Variants in GRM8 observed in about 807,000 individuals in gnomAD.
GRM8 encodes the protein metabotropic glutamate receptor 8.
Under a neutral mutation model 87.2 loss-of-function variants are expected in GRM8, and 47 were observed. The ratio of observed to expected loss-of-function variants is 0.54; its 90% CI spans 0.43 to 0.69. GRM8 has a LOEUF of 0.69. Ranked by LOEUF, GRM8 falls within the 30% of genes least tolerant of loss-of-function variation. The probability of loss-of-function intolerance (pLI) is 0.00; values close to 1 mark genes in which losing one functional copy is unlikely to be tolerated. For synonymous variants in GRM8, 396 were observed against 404.5 expected (o/e 0.98, Z 0.25); for missense variants, 1,019 against 1,139.2 (o/e 0.89, Z 1.52).
At chr7:126,984,836 C>T (rs1392059231) in intron 3 of GRM8, among the ~76,000 whole-genome samples, 2 of 151,594 alleles carry the variant, frequency 1.3e-5, no homozygotes, top group Non-Finnish European at 3.0e-5. Flanking sequence ...TTGAATAATT[C>T]TGTTATTTTT....
intron 6 of GRM8, among the ~76,000 whole-genome samples, chr7:126,877,756 A>G (rs545079063): frequency 1.1e-3 from 170 of 152,286 alleles, no homozygotes; most frequent in African/African-American, 4.0e-3. Context: ...AAAGTTGTTT[A>G]TACTACTGCT....
chr7:127,049,228 T>C (rs1265048402), intron 3 of GRM8, among the ~76,000 whole-genome samples: 5 of 151,520 alleles, frequency 3.3e-5, no homozygotes, highest in Admixed American at 3.3e-4. Context: ...AACATACACA[T>C]ACACACACAC....
intron 7 of GRM8, among the ~76,000 whole-genome samples, chr7:126,652,502 C>T (rs980821639): frequency 6.6e-6 from 1 of 152,148 alleles, no homozygotes; most frequent in Non-Finnish European, 1.5e-5. Flanking sequence ...CTACCTTCAT[C>T]TGGGTGACAA....
intron 3 of GRM8, among the ~76,000 whole-genome samples, chr7:126,974,835 C>G (rs1216104351): frequency 6.8e-6 from 1 of 146,568 alleles, no homozygotes; most frequent in Non-Finnish European, 1.5e-5. Flanking sequence ...TCTCAGGAGG[C>G]TGAGGCAGGA....
At chr7:126,605,306 A>G (rs1441170379) in intron 8 of GRM8, among the ~76,000 whole-genome samples, 1 of 152,214 alleles carries the variant, frequency 6.6e-6, no homozygotes, top group Admixed American at 6.5e-5. Context: ...TCTCAGGTAG[A>G]CAATACATGC....
At chr7:126,823,623 C>T (rs1249648430) in intron 6 of GRM8, among the ~76,000 whole-genome samples, 8 of 152,158 alleles carry the variant, frequency 5.3e-5, no homozygotes. Context: ...TTAGCCAATA[C>T]ATCCAAAATA....
At chr7:126,441,883 T>G (rs1369037782) in intron 10 of GRM8, among the ~76,000 whole-genome samples, 2 of 152,126 alleles carry the variant, frequency 1.3e-5, no homozygotes, top group African/African-American at 2.4e-5. Flanking sequence ...TAAAAATAGT[T>G]GACATATCTG....
intron 7 of GRM8, among the ~76,000 whole-genome samples, chr7:126,625,441 A>G (rs1260093188): frequency 6.6e-6 from 1 of 152,146 alleles, no homozygotes; most frequent in Non-Finnish European, 1.5e-5. Flanking sequence ...TAAAAAAAAA[A>G]AGACACGACA....
chr7:126,590,494 T>C lies in GRM8; in HGVS notation c.1494+18868A>G, dbSNP rs1362310091. Among the ~76,000 whole-genome samples, 5 of 152,264 alleles carry C rather than the reference T, an allele frequency of 3.3e-5. 1 individual carries two copies. The highest frequency in any genetic ancestry group is 1.2e-4 in the African/African-American group (5 of 41,568). ...AACTTCCCCAGTCTTGATAGAGATC[T>C]AGACATTCAAATACAAGAAGCTCAA... On this transcript the variant is annotated intron_variant, in intron 8 of 10. Coordinates refer to ENST00000339582, the MANE Select transcript of GRM8 (RefSeq NM_000845.3).
chr7:126,713,892 C>A (rs1811413031), intron 7 of GRM8, among the ~76,000 whole-genome samples: 1 of 151,730 alleles, frequency 6.6e-6, no homozygotes, highest in South Asian at 2.1e-4. Context: ...TATATTCAAT[C>A]TTTCTTAATT....
chr7:126,798,182 T>A (rs1822204277), intron 6 of GRM8, among the ~76,000 whole-genome samples: 2 of 151,966 alleles, frequency 1.3e-5, no homozygotes, highest in Non-Finnish European at 2.9e-5. Context: ...TTTTCCATTG[T>A]GTAGTGTGCA....
At chr7:126,847,721 A>G (rs899517504) in intron 6 of GRM8, among the ~76,000 whole-genome samples, 2 of 152,156 alleles carry the variant, frequency 1.3e-5, no homozygotes, top group African/African-American at 4.8e-5. Flanking sequence ...TGCTTTTATG[A>G]CCTAACTCAG....
chr7:127,019,478 T>G (rs541744085), intron 3 of GRM8, among the ~76,000 whole-genome samples: 1 of 152,104 alleles, frequency 6.6e-6, no homozygotes, highest in East Asian at 1.9e-4. Flanking sequence ...CCAAAATGTA[T>G]GTCAATTTGG....
At chr7:126,857,717 A>G (rs989756762) in intron 6 of GRM8, among the ~76,000 whole-genome samples, 1 of 152,182 alleles carries the variant, frequency 6.6e-6, no homozygotes, top group Non-Finnish European at 1.5e-5. Context: ...AAGGCTGCAC[A>G]GTTCCTCTGC....
intron 2 of GRM8, among the ~76,000 whole-genome samples, chr7:127,140,977 T>C (rs2133266486): frequency 6.6e-6 from 1 of 152,236 alleles, no homozygotes; most frequent in African/African-American, 2.4e-5. Context: ...CAGTCCCAAC[T>C]CAGAATTTGT....
intron 2 of GRM8, among the ~76,000 whole-genome samples, chr7:127,111,452 G>GA (rs1563520278): frequency 1.3e-5 from 2 of 151,936 alleles, no homozygotes; most frequent in Non-Finnish European, 2.9e-5. Flanking sequence ...GGCCTTCCTT[G>GA]AAATGGTAAG....
intron 3 of GRM8, among the ~76,000 whole-genome samples, chr7:127,028,084 A>T (rs1816973807): frequency 2.6e-5 from 4 of 152,172 alleles, no homozygotes; most frequent in African/African-American, 9.7e-5. Flanking sequence ...CTACTGAGAT[A>T]ATCATGTGGT....
At chr7:126,624,093 C>T (rs1198644193) in intron 7 of GRM8, among the ~76,000 whole-genome samples, 2 of 152,202 alleles carry the variant, frequency 1.3e-5, no homozygotes, top group African/African-American at 4.8e-5. Context: ...AGGTATCCTG[C>T]ATTCACACTG....
chr7:126,993,985 G>A (rs990213750), intron 3 of GRM8, among the ~76,000 whole-genome samples: 2 of 152,160 alleles, frequency 1.3e-5, no homozygotes, highest in South Asian at 4.1e-4. Context: ...GTGGCACATG[G>A]CCTAGAAAGA....
Sources: allele counts gnomAD v4.1 joint callset (sites outside exome capture counted in the v4.1 genomes callset), GRCh38; gene constraint gnomAD v4.1.1; transcripts MANE v1.5; gene names NCBI Gene and HGNC (gene_info 2026-07-23, HGNC 2026-07-21).